Variants in KCNIP1 observed in about 807,000 individuals in gnomAD.
The protein encoded by KCNIP1 is potassium voltage-gated channel interacting protein 1.
In KCNIP1, 18 loss-of-function variants were observed where a neutral mutation model predicts 33.0. The ratio of observed to expected loss-of-function variants is 0.55; its 90% CI spans 0.38 to 0.81. KCNIP1 has a LOEUF of 0.81. Ranked by LOEUF, KCNIP1 falls within the 30% of genes least tolerant of loss-of-function variation. The pLI, the probability that KCNIP1 is intolerant of heterozygous loss-of-function variation, is 0.00. For missense variants in KCNIP1, 238 were observed against 271.6 expected (o/e 0.88, Z 0.87); for synonymous variants, 93 against 98.3 (o/e 0.95, Z 0.32).
rs1762333955 is a variant in KCNIP1, at chr5:170,681,246, C to T, written c.62-37512C>T. ...TTGTGGCTTCGGTTGCTGTGACAGT[C>T]GTTTCGAAAATGCACGGAAATGAGG... On this transcript the variant is annotated intron_variant, in intron 1 of 7. Coordinates refer to ENST00000328939, the MANE Select transcript of KCNIP1 (RefSeq NM_014592.4). 1.0e-5 allele frequency: 4 copies of T among 397,882 alleles called. No homozygotes were observed. In the Admixed American group the frequency reaches 1.8e-4, roughly 18 times the overall value. The allele number at this position is 397,882 out of a possible 1,614,324, so 24.6% of individuals were successfully genotyped here.
chr5:170,605,765 C>G (rs910968611), intron 1 of KCNIP1, among the ~76,000 whole-genome samples: 8 of 144,830 alleles, frequency 5.5e-5, no homozygotes, highest in African/African-American at 1.8e-4. Flanking sequence ...TACTTCAACC[C>G]TGTTCTTTTT....
chr5:170,399,431 A>G (rs192165483), intron 1 of KCNIP1, among the ~76,000 whole-genome samples: 119 of 152,356 alleles, frequency 7.8e-4, no homozygotes, highest in African/African-American at 2.2e-3. Flanking sequence ...AGGGGTTTCT[A>G]TAACAGGCCT....
intron 1 of KCNIP1, among the ~76,000 whole-genome samples, chr5:170,684,429 G>C (rs187652016): frequency 1.7e-4 from 26 of 152,288 alleles, no homozygotes; most frequent in African/African-American, 6.0e-4. Context: ...TCTTTGGCTT[G>C]TGGCAGCATC....
chr5:170,513,251 C>T (rs1361132849), intron 1 of KCNIP1, among the ~76,000 whole-genome samples: 1 of 152,118 alleles, frequency 6.6e-6, no homozygotes, highest in Non-Finnish European at 1.5e-5. Flanking sequence ...TGATTTAAGC[C>T]TCATTTTACA....
At chr5:170,387,761 C>T (rs796938281) in intron 1 of KCNIP1, among the ~76,000 whole-genome samples, 5 of 152,338 alleles carry the variant, frequency 3.3e-5, no homozygotes, top group African/African-American at 1.2e-4. Context: ...GAACAAGACT[C>T]TCCATGTATT....
Position 170,382,362 on chromosome 5 carries a change from T to C in KCNIP1, c.88+28398T>C, listed in dbSNP as rs185506476. 3.4e-3 allele frequency among the ~76,000 whole-genome samples: 514 copies of C among 152,344 alleles called. 1 individual carries two copies. Among genetic ancestry groups the C allele is most frequent in the Non-Finnish European group, 4.2e-3 (287 of 68,036 alleles). ...TTTTAAGACTCTTACAGGGTTCTAA[T>C]GCATAGCCAAAGTTGACATATCTTG... On this transcript the variant is annotated intron_variant, in intron 1 of 7. Coordinates refer to the KCNIP1 transcript ENST00000377360.
At chr5:170,581,909 C>T (rs1757808219) in intron 1 of KCNIP1, among the ~76,000 whole-genome samples, 1 of 151,732 alleles carries the variant, frequency 6.6e-6, no homozygotes, top group African/African-American at 2.4e-5. Flanking sequence ...TGAAGAGGAG[C>T]TGGATGTGCA....
chr5:170,621,527 A>T lies in KCNIP1; in HGVS notation c.62-97231A>T, dbSNP rs1447164059. Among the ~76,000 whole-genome samples the T allele has an allele frequency of 2.6e-5, 4 of 152,054 alleles. No homozygotes were observed. The East Asian group carries it at 7.8e-4, about 30-fold the overall frequency. On this transcript the variant is annotated intron_variant, in intron 1 of 7. Coordinates refer to ENST00000328939, the MANE Select transcript of KCNIP1 (RefSeq NM_014592.4). The stretch of plus-strand genomic sequence containing the variant: ...CTCTTTATTATTTTTATTTTTATTT[A>T]TGTATTGATTTATTGCTCTGTCACC...
chr5:170,667,338 C>T (rs888191351), intron 1 of KCNIP1, among the ~76,000 whole-genome samples: 2 of 151,640 alleles, frequency 1.3e-5, no homozygotes, highest in African/African-American at 4.9e-5. Context: ...TAAAAACTGT[C>T]ATTATTATAA....
chr5:170,723,556 C>A (rs1222569234), intron 5 of KCNIP1, among the ~76,000 whole-genome samples: 1 of 152,138 alleles, frequency 6.6e-6, no homozygotes, highest in Non-Finnish European at 1.5e-5. Context: ...TCACCTCAAC[C>A]CGGCAAGCTT....
intron 1 of KCNIP1, among the ~76,000 whole-genome samples, chr5:170,416,775 TAAC>T (rs1011232503): frequency 5.3e-5 from 8 of 152,330 alleles, no homozygotes; most frequent in South Asian, 2.1e-4. Flanking sequence ...AAGTTAATCT[TAAC>T]AACAACCCTG....
intron 1 of KCNIP1, among the ~76,000 whole-genome samples, chr5:170,644,732 G>A (rs1760716865): frequency 1.3e-5 from 2 of 152,352 alleles, no homozygotes; most frequent in African/African-American, 4.8e-5. Flanking sequence ...AGTCAGCTCT[G>A]TAAGGCCCCC....
intron 1 of KCNIP1, among the ~76,000 whole-genome samples, chr5:170,633,941 G>C (rs1760184465): frequency 6.6e-6 from 1 of 152,148 alleles, no homozygotes; most frequent in Admixed American, 6.5e-5. Context: ...TGTGAAAAGC[G>C]CCCAAGAGGC....
chr5:170,381,699 T>A (rs2113335682), intron 1 of KCNIP1, among the ~76,000 whole-genome samples: 1 of 152,326 alleles, frequency 6.6e-6, no homozygotes, highest in South Asian at 2.1e-4. Context: ...TGCTGACAGT[T>A]CATTCAGGGG....
chr5:170,520,302 G>T (rs1755314649), intron 1 of KCNIP1, among the ~76,000 whole-genome samples: 1 of 152,206 alleles, frequency 6.6e-6, no homozygotes, highest in Admixed American at 6.5e-5. Flanking sequence ...TAGCTGCTAA[G>T]TGCAGGGACA....
At chr5:170,400,060 T>C (rs1021014588) in intron 1 of KCNIP1, among the ~76,000 whole-genome samples, 3 of 152,222 alleles carry the variant, frequency 2.0e-5, no homozygotes, top group Admixed American at 2.0e-4. Context: ...CAAAGCCACA[T>C]AGCTTTGTTA....
At chr5:170,660,594 C>G (rs1761444522) in intron 1 of KCNIP1, among the ~76,000 whole-genome samples, 1 of 152,146 alleles carries the variant, frequency 6.6e-6, no homozygotes, top group Non-Finnish European at 1.5e-5. Flanking sequence ...CCTGTCTCAC[C>G]CATATGTGGA....
At chr5:170,551,700 G>T (rs1038900551) in intron 1 of KCNIP1, among the ~76,000 whole-genome samples, 2 of 151,778 alleles carry the variant, frequency 1.3e-5, no homozygotes, top group Non-Finnish European at 2.9e-5. Flanking sequence ...GTGTGTATGT[G>T]TGGCGTGTGA....
At chr5:170,685,592 G>A (rs1762512533) in intron 1 of KCNIP1, among the ~76,000 whole-genome samples, 1 of 151,922 alleles carries the variant, frequency 6.6e-6, no homozygotes, top group Non-Finnish European at 1.5e-5. Context: ...GGGTTTAAGC[G>A]ATTCTACTGC....
Sources: gnomAD v4.1 joint callset for allele counts (sites outside exome capture counted in the v4.1 genomes callset) on GRCh38, gnomAD v4.1.1 for gene constraint, MANE v1.5 for transcripts, NCBI Gene and HGNC (gene_info 2026-07-23, HGNC 2026-07-21) for gene names.